The following CCDC171 variants were observed in gnomAD, a reference collection of about 807,000 sequenced individuals.
CCDC171 encodes the protein coiled-coil domain-containing protein 171.
In CCDC171, 177 loss-of-function variants were observed where a neutral mutation model predicts 168.2. The observed-to-expected ratio is 1.05, with a 90% CI of 0.93 to 1.19. The LOEUF (loss-of-function observed/expected upper bound fraction) is 1.19. Ranked by LOEUF, CCDC171 falls within the 50% of genes most tolerant of loss-of-function variation. The probability of loss-of-function intolerance (pLI) is 0.00; values close to 1 mark genes in which losing one functional copy is unlikely to be tolerated. For missense variants in CCDC171, 1,991 were observed against 1,539.0 expected (o/e 1.29, Z -4.91); for synonymous variants, 687 against 540.8 (o/e 1.27, Z -3.75).
chr9:15,983,956 C>T (rs1564100947), intron 3 of CCDC171, among the ~76,000 whole-genome samples: 1 of 151,984 alleles, frequency 6.6e-6, no homozygotes, highest in Non-Finnish European at 1.5e-5. Flanking sequence ...AAACCATCTT[C>T]CCACCAGAAC....
At chr9:15,572,525 A>G (rs1004691069) in intron 3 of CCDC171, among the ~76,000 whole-genome samples, 1 of 152,208 alleles carries the variant, frequency 6.6e-6, no homozygotes, top group African/African-American at 2.4e-5. Context: ...GTGATAATTA[A>G]GTGAAATAAA....
intron 21 of CCDC171, among the ~76,000 whole-genome samples, chr9:15,795,270 A>ATAAC (rs1297327257): frequency 2.0e-5 from 3 of 152,146 alleles, no homozygotes; most frequent in Non-Finnish European, 2.9e-5. Context: ...CGGTTAATTT[A>ATAAC]TAACTAACTC....
Position 15,682,317 on chromosome 9 carries a change from C to T in CCDC171, c.1215+3421C>T, listed in dbSNP as rs371377325. Among the ~76,000 whole-genome samples the T allele has an allele frequency of 2.6e-5, 4 of 151,944 alleles. 1 individual carries two copies. Among genetic ancestry groups the T allele is most frequent in the Admixed American group, 1.3e-4 (2 of 15,256 alleles). ...CCAGGATACAGAAAGTCTTAATAAACCAGTTGGAAAGTGATAGCTCCCCTG... is the reference window on the plus strand; with the variant it reads ...CCAGGATACAGAAAGTCTTAATAAATCAGTTGGAAAGTGATAGCTCCCCTG... On this transcript the variant is annotated intron_variant, in intron 10 of 25. Coordinates refer to ENST00000380701, the MANE Select transcript of CCDC171 (RefSeq NM_173550.4).
chr9:15,562,904 T>TAG (rs60235619), intron 1 of CCDC171, among the ~76,000 whole-genome samples: 82,243 of 151,564 alleles, frequency 0.54, 22,793 homozygotes, highest in East Asian at 0.84. Context: ...AAGAGCTTGA[T>TAG]AGACTCCTTG....
chr9:15,920,642 A>C (rs763610915), intron 25 of CCDC171, among the ~76,000 whole-genome samples: 13 of 151,750 alleles, frequency 8.6e-5, no homozygotes, highest in Non-Finnish European at 1.5e-4. Flanking sequence ...ATTGTTATCA[A>C]TGCTAAAACA....
chr9:15,610,177 G>A (rs1348378883), intron 6 of CCDC171, among the ~76,000 whole-genome samples: 1 of 151,564 alleles, frequency 6.6e-6, no homozygotes, highest in East Asian at 1.9e-4. Context: ...TTATTTTGAA[G>A]GTGTTTCTCC....
chr9:15,768,101 A>G (rs1378823140), intron 18 of CCDC171, among the ~76,000 whole-genome samples: 1 of 149,690 alleles, frequency 6.7e-6, no homozygotes, highest in Non-Finnish European at 1.5e-5. Flanking sequence ...TTTATTTACC[A>G]TCTATGTGCT....
At chr9:15,968,033 T>A (rs1830975038) in intron 25 of CCDC171, among the ~76,000 whole-genome samples, 2 of 152,218 alleles carry the variant, frequency 1.3e-5, no homozygotes, top group South Asian at 4.1e-4. Flanking sequence ...GGCTATTGAA[T>A]GTGTCCAATT....
Position 15,779,065 on chromosome 9 carries a change from A to G in CCDC171, c.2996A>G (p.Glu999Gly), listed in dbSNP as rs866043585. ...ERRSLRLEVT[E>G]FKRSVNEMKK... ...CGCTCACTACGCTTAGAGGTCACAG[A>G]ATTCAAACGAAGTGTGAATGAAATG... Residue 999 changes from glutamate (E) to glycine (G), a missense_variant, in exon 20 of 26, where the codon GAA becomes GGA. Physicochemically the swap from Glu to Gly is moderately conservative, Grantham distance 98. Coordinates refer to ENST00000380701, the MANE Select transcript of CCDC171 (RefSeq NM_173550.4). 1 of 1,605,876 alleles carries G rather than the reference A, an allele frequency of 6.2e-7. No homozygotes were observed. The highest frequency in any genetic ancestry group is 1.3e-5 in the African/African-American group (1 of 74,840).
At chr9:15,762,670 T>G (rs2056512772) in intron 18 of CCDC171, among the ~76,000 whole-genome samples, 1 of 152,200 alleles carries the variant, frequency 6.6e-6, no homozygotes, top group Admixed American at 6.5e-5. Flanking sequence ...GTGATACAAT[T>G]TACATGCAAT....
chr9:15,989,834 G>A (rs1471402278), intron 3 of CCDC171, among the ~76,000 whole-genome samples: 1 of 152,154 alleles, frequency 6.6e-6, no homozygotes, highest in Non-Finnish European at 1.5e-5. Flanking sequence ...ATCAGTGATT[G>A]AAGATCAAAT....
At chr9:15,616,058 C>G (rs1481526035) in intron 6 of CCDC171, among the ~76,000 whole-genome samples, 1 of 152,202 alleles carries the variant, frequency 6.6e-6, no homozygotes, top group Non-Finnish European at 1.5e-5. Flanking sequence ...TCAAGCGATT[C>G]TCTTGCCTCA....
intron 24 of CCDC171, among the ~76,000 whole-genome samples, chr9:15,900,070 A>G (rs147505947): frequency 6.6e-6 from 1 of 152,170 alleles, no homozygotes; most frequent in Non-Finnish European, 1.5e-5. Flanking sequence ...GAATTCTAAG[A>G]TGACCCCTTT....
At chr9:15,554,239 C>G (rs1235682090) in intron 1 of CCDC171, among the ~76,000 whole-genome samples, 2 of 152,170 alleles carry the variant, frequency 1.3e-5, no homozygotes, top group Non-Finnish European at 2.9e-5. Context: ...CCAGGATGGT[C>G]TCGATCTCCT....
intron 3 of CCDC171, among the ~76,000 whole-genome samples, chr9:15,990,194 C>T (rs1212576714): frequency 6.6e-6 from 1 of 152,052 alleles, no homozygotes; most frequent in Non-Finnish European, 1.5e-5. Context: ...TCGGGTTACC[C>T]ACAAAGGGAA....
At chr9:15,718,941 G>C (rs1030665651) in intron 11 of CCDC171, among the ~76,000 whole-genome samples, 1 of 152,134 alleles carries the variant, frequency 6.6e-6, no homozygotes, top group African/African-American at 2.4e-5. Flanking sequence ...ACATCCGCAA[G>C]CATCAAAACC....
chr9:15,899,678 G>A (rs1361118994), intron 24 of CCDC171, among the ~76,000 whole-genome samples: 1 of 152,110 alleles, frequency 6.6e-6, no homozygotes, highest in Non-Finnish European at 1.5e-5. Context: ...TTCGTAAAAT[G>A]TATCTTAGTG....
At chr9:15,602,632 CTTTTTTTTTTTTTTCTTTTTTTTTTTT>C (rs2042939466) in intron 6 of CCDC171, among the ~76,000 whole-genome samples, 1 of 31,002 alleles carries the variant, frequency 3.2e-5, no homozygotes, top group Non-Finnish European at 6.8e-5. Flanking sequence ...TTTCTCATTT[CTTTTTTTTTTTTTTCTTTTTTTTTTTT>C]TTTTTTTTTT....
At chr9:15,757,410 T>G (rs1166821333) in intron 18 of CCDC171, among the ~76,000 whole-genome samples, 1 of 152,188 alleles carries the variant, frequency 6.6e-6, no homozygotes, top group African/African-American at 2.4e-5. Context: ...TTGAGGGAGA[T>G]GATTTAAGGT....
Sources: gnomAD v4.1 joint callset for allele counts (sites outside exome capture counted in the v4.1 genomes callset) on GRCh38, gnomAD v4.1.1 for gene constraint, MANE v1.5 for transcripts, NCBI Gene and HGNC (gene_info 2026-07-23, HGNC 2026-07-21) for gene names.